Variants in DNAH11 observed in about 807,000 individuals in gnomAD.
DNAH11 encodes the protein dynein axonemal heavy chain 11.
In DNAH11, 442 loss-of-function variants were observed where a neutral mutation model predicts 526.0. The ratio of observed to expected loss-of-function variants is 0.84; its 90% CI spans 0.78 to 0.91. The LOEUF is 0.91. DNAH11 is among the 40% of genes least tolerant of loss of function. The pLI, the probability that DNAH11 is intolerant of heterozygous loss-of-function variation, is 0.00. For missense variants in DNAH11, 6,989 were observed against 5,448.7 expected, an observed-to-expected ratio of 1.28 and a Z score of -8.90; for synonymous variants, 2,461 against 1,935.9, an observed-to-expected ratio of 1.27 and a Z score of -7.12.
At chr7:21,726,256 A>G (rs182413171) in intron 45 of DNAH11, among the ~76,000 whole-genome samples, 15 of 152,208 alleles carry the variant, frequency 9.9e-5, no homozygotes, top group Non-Finnish European at 1.9e-4. Flanking sequence ...AGATCTCATG[A>G]GAACAAATTC....
At chr7:21,873,783 G>GTTTTTT (rs1783589697) in intron 74 of DNAH11, among the ~76,000 whole-genome samples, 10 of 29,916 alleles carry the variant, frequency 3.3e-4, no homozygotes, top group South Asian at 1.1e-3. Flanking sequence ...TGAGGAGGTT[G>GTTTTTT]CTTTTTTTTT....
At position 21,779,079 on chromosome 7, in the gene DNAH11, C is replaced by G. The variant is rs1787817452; in HGVS notation, c.9458C>G (p.Thr3153Ser). ...LQTEKVSREK[T>S]IADAEERKVT... is the part of the protein sequence containing the mutation. ...ACGGAGAAAGTGAGCCGGGAAAAGA[C>G]CATCGCTGATGCTGAGGAGCGAAAG... is the stretch of plus-strand genomic sequence containing the variant. The change falls in exon 57 of 82, where the codon ACC (threonine) becomes AGC (serine). Residue 3153 changes from threonine to serine, a missense_variant. Physicochemically the swap from Thr to Ser is moderately conservative, Grantham distance 58. Coordinates refer to ENST00000409508, the MANE Select transcript of DNAH11 (RefSeq NM_001277115.2). 6.2e-7 allele frequency: 1 copy of G among 1,612,958 alleles called. No homozygotes were observed. The highest frequency in any genetic ancestry group is 1.1e-5 in the South Asian group (1 of 91,024).
intron 2 of DNAH11, among the ~76,000 whole-genome samples, chr7:21,551,431 C>A (rs1431081953): frequency 6.6e-6 from 1 of 152,178 alleles, no homozygotes; most frequent in East Asian, 1.9e-4. Context: ...TGTACCAATT[C>A]CTTTCCGCTG....
intron 14 of DNAH11, among the ~76,000 whole-genome samples, chr7:21,594,208 A>G (rs996519044): frequency 6.6e-6 from 1 of 152,162 alleles, no homozygotes. Flanking sequence ...CATGTGTAAA[A>G]TGAAGGTCCT....
chr7:21,717,968 G>A lies in DNAH11; in HGVS notation c.7134+43G>A, dbSNP rs142266798. On this transcript the variant is annotated intron_variant, in intron 43 of 81. Coordinates refer to ENST00000409508, the MANE Select transcript of DNAH11 (RefSeq NM_001277115.2). ...CCATTTAACGTTCTAGTTCTGATGC[G>A]GTAGTGTTTGTTGATCAAGACAACA... The A allele has an allele frequency of 2.8e-4, 433 of 1,563,010 alleles. 1 individual carries two copies. The East Asian group carries it at 9.5e-3, about 34-fold the overall frequency.
intron 20 of DNAH11, among the ~76,000 whole-genome samples, chr7:21,612,086 G>C (rs1369617174): frequency 2.6e-5 from 4 of 152,102 alleles, no homozygotes; most frequent in African/African-American, 7.2e-5. Context: ...CAAAAATATA[G>C]AGCACTATTA....
intron 65 of DNAH11, among the ~76,000 whole-genome samples, chr7:21,824,847 C>T (rs1260580380): frequency 6.6e-6 from 1 of 152,164 alleles, no homozygotes; most frequent in Non-Finnish European, 1.5e-5. Flanking sequence ...ATTGCTCCTT[C>T]TGGCTCTAGT....
In DNAH11 at chr7:21,705,594, G is replaced by A. The variant is rs1327402316; in HGVS notation, c.6546+57G>A. The A allele has an allele frequency of 1.9e-6, 3 of 1,559,144 alleles. No individual in the cohort carries two copies. The Admixed American group carries it at 5.2e-5, about 27-fold the overall frequency. ...TGGAAAGAACATTTGTTGTCATTGT[G>A]GTTCGGCCTATTTTCAATGCTACTC... On this transcript the variant is annotated intron_variant, in intron 39 of 81. Coordinates refer to ENST00000409508, the MANE Select transcript of DNAH11 (RefSeq NM_001277115.2).
intron 76 of DNAH11, 124 bp from the exon 77 acceptor site, chr7:21,892,301 G>A: frequency 7.3e-7 from 1 of 1,372,236 alleles, no homozygotes; most frequent in Non-Finnish European, 9.8e-7. Context: ...ACAGTTTAGG[G>A]AGCCTGCTAC....
intron 45 of DNAH11, among the ~76,000 whole-genome samples, chr7:21,728,389 A>T (rs562304729): frequency 6.6e-6 from 1 of 151,054 alleles, no homozygotes; most frequent in Non-Finnish European, 1.5e-5. Context: ...TCCCGAGTAG[A>T]TGGGACTACA....
chr7:21,835,158 C>T (rs77569593), intron 65 of DNAH11, among the ~76,000 whole-genome samples: 2,469 of 149,276 alleles, frequency 0.017, 62 homozygotes, highest in African/African-American at 0.057. Context: ...GGACCTGATG[C>T]ATTTACTGCA....
chr7:21,856,979 C>T (rs1236485251), intron 68 of DNAH11, among the ~76,000 whole-genome samples: 2 of 152,054 alleles, frequency 1.3e-5, no homozygotes, highest in Admixed American at 6.6e-5. Context: ...AAGTTATAGT[C>T]GGTACAGTAA....
intron 25 of DNAH11, among the ~76,000 whole-genome samples, chr7:21,623,671 T>C (rs1048612434): frequency 2.0e-5 from 3 of 152,078 alleles, no homozygotes; most frequent in Admixed American, 2.0e-4. Context: ...TGTAGGGACA[T>C]GGATGAAATT....
At chr7:21,583,992 A>T (rs1784400966) in intron 9 of DNAH11, among the ~76,000 whole-genome samples, 1 of 152,240 alleles carries the variant, frequency 6.6e-6, no homozygotes, top group Admixed American at 6.5e-5. Flanking sequence ...AGTGCAAATT[A>T]GTTCAACCAT....
intron 20 of DNAH11, among the ~76,000 whole-genome samples, chr7:21,611,363 T>C (rs772834516): frequency 6.6e-6 from 1 of 152,140 alleles, no homozygotes; most frequent in Non-Finnish European, 1.5e-5. Flanking sequence ...CCTTTGAACT[T>C]GCATTGAGCC....
At chr7:21,596,833 G>C (rs1784880133) in intron 14 of DNAH11, among the ~76,000 whole-genome samples, 1 of 152,236 alleles carries the variant, frequency 6.6e-6, no homozygotes, top group African/African-American at 2.4e-5. Context: ...ATGGAAGAGA[G>C]CTTCTGCCTT....
chr7:21,718,722 C>T (rs1379808861), intron 43 of DNAH11, among the ~76,000 whole-genome samples: 1 of 152,088 alleles, frequency 6.6e-6, no homozygotes, highest in Non-Finnish European at 1.5e-5. Flanking sequence ...CAATTAGAAA[C>T]CCCCACACCC....
At chr7:21,574,536 T>TTCCC (rs200040070) in intron 8 of DNAH11, among the ~76,000 whole-genome samples, 12 of 150,538 alleles carry the variant, frequency 8.0e-5, no homozygotes, top group South Asian at 2.1e-4. Context: ...TACTTTTGTT[T>TTCCC]TCCCTCCCTC....
Position 21,784,500 on chromosome 7 carries a change from C to T in DNAH11, c.9557C>T (p.Ala3186Val). 1.2e-6 allele frequency: 2 copies of T among 1,613,244 alleles called. No individual in the cohort carries two copies. The highest frequency in any genetic ancestry group is 2.2e-5 in the South Asian group (2 of 90,882). The stretch of plus-strand genomic sequence containing the variant: ...GCTGACTTACTCAAGGCTGAGCCTG[C>T]ACTGGTGGCTGCTACAGCTGCACTC... The part of the protein sequence containing the change: ...CEADLLKAEP[A>V]LVAATAALNT... The change falls in exon 58 of 82, where the codon GCA becomes GTA. Residue 3186 changes from alanine to valine, a missense_variant. By Grantham distance (64) the Ala-to-Val change is moderately conservative. Coordinates refer to ENST00000409508, the MANE Select transcript of DNAH11 (RefSeq NM_001277115.2).
Sources: allele counts gnomAD v4.1 joint callset (sites outside exome capture counted in the v4.1 genomes callset), GRCh38; gene constraint gnomAD v4.1.1; transcripts MANE v1.5; gene names NCBI Gene and HGNC (gene_info 2026-07-23, HGNC 2026-07-21).